The following LRRC4C variants were observed in gnomAD, a reference collection of about 807,000 sequenced individuals.
LRRC4C encodes leucine rich repeat containing 4C.
Under a neutral mutation model 33.6 loss-of-function variants are expected in LRRC4C, and 5 were observed. The observed-to-expected ratio is 0.15, with a 90% CI of 0.08 to 0.31. LRRC4C has a LOEUF of 0.31. Among genes scored for constraint, LRRC4C ranks in the 10% least tolerant of loss-of-function variants. The pLI is 1.00. For missense variants in LRRC4C, 560 were observed against 796.7 expected (o/e 0.70, Z 3.58); for synonymous variants, 329 against 302.0 (o/e 1.09, Z -0.93).
At chr11:41,402,918 T>A (rs527372711) in intron 1 of LRRC4C, among the ~76,000 whole-genome samples, 1 of 152,218 alleles carries the variant, frequency 6.6e-6, no homozygotes, top group African/African-American at 2.4e-5. Context: ...TGAAATAATT[T>A]AAAATATGCA....
intron 1 of LRRC4C, among the ~76,000 whole-genome samples, chr11:41,168,258 C>T (rs1239960492): frequency 6.6e-6 from 1 of 152,170 alleles, no homozygotes; most frequent in Admixed American, 6.6e-5. Flanking sequence ...TTAATCTTTA[C>T]AAACCTATCT....
At chr11:40,350,665 C>G (rs1245428230) in intron 3 of LRRC4C, among the ~76,000 whole-genome samples, 2 of 151,982 alleles carry the variant, frequency 1.3e-5, no homozygotes, top group African/African-American at 4.8e-5. Flanking sequence ...TGCATTGAAT[C>G]AATAGATTGC....
chr11:40,965,000 G>T (rs886953851), intron 1 of LRRC4C, among the ~76,000 whole-genome samples: 1 of 152,046 alleles, frequency 6.6e-6, no homozygotes, highest in Non-Finnish European at 1.5e-5. Context: ...GTGTAAAATT[G>T]TTCCTATTTC....
intron 1 of LRRC4C, among the ~76,000 whole-genome samples, chr11:41,436,994 C>A (rs1955450365): frequency 6.6e-6 from 1 of 152,124 alleles, no homozygotes; most frequent in Non-Finnish European, 1.5e-5. Flanking sequence ...AACCATGTGA[C>A]CTGCAAACTT....
intron 2 of LRRC4C, among the ~76,000 whole-genome samples, chr11:40,905,064 G>T (rs999280784): frequency 1.3e-5 from 2 of 152,042 alleles, no homozygotes; most frequent in African/African-American, 2.4e-5. Flanking sequence ...AGAGAAAAGA[G>T]CCCAAGTCTG....
chr11:40,913,041 A>G (rs1956773754), intron 2 of LRRC4C, among the ~76,000 whole-genome samples: 1 of 152,232 alleles, frequency 6.6e-6, no homozygotes, highest in Admixed American at 6.5e-5. Flanking sequence ...ACTCAGATTC[A>G]TAAAGCAAGT....
intron 3 of LRRC4C, among the ~76,000 whole-genome samples, chr11:40,454,313 C>T (rs1952032957): frequency 6.6e-6 from 1 of 152,008 alleles, no homozygotes; most frequent in Non-Finnish European, 1.5e-5. Flanking sequence ...CTCACTCTCA[C>T]TCACTTGTAC....
intron 2 of LRRC4C, among the ~76,000 whole-genome samples, chr11:40,836,155 GT>G (rs1295221464): frequency 6.6e-6 from 1 of 152,096 alleles, no homozygotes; most frequent in Non-Finnish European, 1.5e-5. Flanking sequence ...ACAGAGTTCT[GT>G]CTCCAGGGGT....
At chr11:40,970,391 C>G (rs1851646916) in intron 1 of LRRC4C, among the ~76,000 whole-genome samples, 1 of 152,114 alleles carries the variant, frequency 6.6e-6, no homozygotes, top group Non-Finnish European at 1.5e-5. Context: ...TGTAAGACAT[C>G]CCTACTTCCC....
chr11:40,724,949 C>A (rs1229269023), intron 2 of LRRC4C, among the ~76,000 whole-genome samples: 1 of 152,066 alleles, frequency 6.6e-6, no homozygotes, highest in African/African-American at 2.4e-5. Context: ...ATATGATAAC[C>A]AAGACCCCAC....
At chr11:41,261,806 G>T (rs1415764764) in intron 1 of LRRC4C, among the ~76,000 whole-genome samples, 3 of 152,052 alleles carry the variant, frequency 2.0e-5, no homozygotes, top group African/African-American at 7.2e-5. Context: ...TTCTGCAGTG[G>T]AGATCATATT....
chr11:41,432,320 G>A (rs1045719004), intron 1 of LRRC4C, among the ~76,000 whole-genome samples: 7 of 152,100 alleles, frequency 4.6e-5, no homozygotes, highest in Non-Finnish European at 1.0e-4. Context: ...GGTTTCCGTG[G>A]GAGAGGTAAC....
chr11:40,495,131 A>G (rs557061011), intron 3 of LRRC4C, among the ~76,000 whole-genome samples: 1 of 152,328 alleles, frequency 6.6e-6, no homozygotes, highest in South Asian at 2.1e-4. Flanking sequence ...ATTTGAATCA[A>G]TAATGTGCAC....
rs116109989 is a variant in LRRC4C at position 41,338,346 on chromosome 11, C to T, written c.-496+121085G>A. On this transcript the variant is annotated intron_variant, in intron 1 of 6. Transcript: ENST00000528697. ...AAGAAAATGTGGTACATATACACCA[C>T]AGAATAGAATGTAGCCATAAAGAGA... Among the ~76,000 whole-genome samples, 328 of 152,248 alleles carry T rather than the reference C, an allele frequency of 2.2e-3. 2 individuals carry two copies. Among genetic ancestry groups the T allele is most frequent in the African/African-American group, 7.3e-3 (305 of 41,552 alleles).
intron 1 of LRRC4C, among the ~76,000 whole-genome samples, chr11:41,108,770 G>C (rs763787024): frequency 6.6e-6 from 1 of 152,054 alleles, no homozygotes; most frequent in Non-Finnish European, 1.5e-5. Flanking sequence ...ATATATTTTA[G>C]AAGTGAAGTA....
chr11:40,717,912 TACC>T (rs1564971951), intron 2 of LRRC4C, among the ~76,000 whole-genome samples: 1 of 152,206 alleles, frequency 6.6e-6, no homozygotes, highest in Non-Finnish European at 1.5e-5. Context: ...TGGTAGTATA[TACC>T]ACAATTACTC....
At chr11:40,655,801 A>G (rs1399009640) in intron 2 of LRRC4C, among the ~76,000 whole-genome samples, 1 of 152,214 alleles carries the variant, frequency 6.6e-6, no homozygotes, top group African/African-American at 2.4e-5. Context: ...CTGAAACTGG[A>G]AAAGACAAAG....
At chr11:40,497,827 G>T (rs948057617) in intron 3 of LRRC4C, among the ~76,000 whole-genome samples, 3 of 152,096 alleles carry the variant, frequency 2.0e-5, no homozygotes, top group African/African-American at 4.8e-5. Flanking sequence ...AAAGCTAAGG[G>T]TCAGAAGTTA....
At chr11:40,679,220 A>C (rs1323947753) in intron 2 of LRRC4C, among the ~76,000 whole-genome samples, 1 of 152,194 alleles carries the variant, frequency 6.6e-6, no homozygotes, top group Non-Finnish European at 1.5e-5. Context: ...GAAGTTTCTA[A>C]GCAGCAAAGA....
Sources: gnomAD v4.1 joint callset for allele counts (sites outside exome capture counted in the v4.1 genomes callset) on GRCh38, gnomAD v4.1.1 for gene constraint, MANE v1.5 for transcripts, NCBI Gene and HGNC (gene_info 2026-07-23, HGNC 2026-07-21) for gene names.